Variants in RHBDL3 observed in about 807,000 individuals in gnomAD.
The protein encoded by RHBDL3 is rhomboid-related protein 3.
In RHBDL3, 28 loss-of-function variants were observed where a neutral mutation model predicts 48.2. The observed-to-expected ratio is 0.58, with a 90% CI of 0.43 to 0.80. RHBDL3 has a LOEUF of 0.80. RHBDL3 is among the 30% of genes least tolerant of loss of function. The probability of loss-of-function intolerance (pLI) is 0.00; values close to 1 mark genes in which losing one functional copy is unlikely to be tolerated. For missense variants in RHBDL3, 464 were observed against 542.7 expected (o/e 0.85, Z 1.44); for synonymous variants, 208 against 232.3 (o/e 0.90, Z 0.95).
At chr17:32,301,403 A>C (rs1366168391) in intron 6 of RHBDL3, among the ~76,000 whole-genome samples, 1 of 148,398 alleles carries the variant, frequency 6.7e-6, no homozygotes, top group Non-Finnish European at 1.5e-5. Context: ...CCCCATCTCT[A>C]CCAAAAAAAA....
In RHBDL3 at chr17:32,294,366, A is replaced by C. The variant is rs767315929; in HGVS notation, c.592A>C (p.Lys198Gln). The C allele has an allele frequency of 4.5e-5, 72 of 1,613,978 alleles. No individual in the cohort carries two copies. Among genetic ancestry groups the C allele is most frequent in the Admixed American group, 3.2e-4 (19 of 60,000 alleles). The change falls in exon 5 of 9, where the codon AAG (lysine) becomes CAG (glutamine). Residue 198 changes from lysine (K) to glutamine (Q), a missense_variant. Coordinates refer to ENST00000269051, the MANE Select transcript of RHBDL3 (RefSeq NM_138328.3). ...VLQVTHPRYL[K>Q]NSLVYHPQLR... ...GCAGGTAACTCATCCACGTTACTTG[A>C]AGAACTCCCTGGTTTACCACCCACA...
intron 2 of RHBDL3, among the ~76,000 whole-genome samples, chr17:32,277,336 A>G (rs1330153845): frequency 6.6e-6 from 1 of 152,234 alleles, no homozygotes; most frequent in Admixed American, 6.5e-5. Flanking sequence ...CACATACATC[A>G]TAGACACAAG....
At chr17:32,319,800 G>T (rs1222377062) in intron 8 of RHBDL3, among the ~76,000 whole-genome samples, 1 of 152,206 alleles carries the variant, frequency 6.6e-6, no homozygotes, top group East Asian at 1.9e-4. Flanking sequence ...TTATTTCAGT[G>T]TCAAATTTGC....
In RHBDL3 at chr17:32,283,422, C is replaced by T. The variant is rs551159039; in HGVS notation, c.136-1237C>T. On this transcript the variant is annotated intron_variant, in intron 2 of 8. Coordinates refer to ENST00000269051, the MANE Select transcript of RHBDL3 (RefSeq NM_138328.3). ...CTGCAAGCTCCGCCTCCCAGGTTCACGCCATACTCTCCTGCCTCAGCCTCC... is the reference window on the plus strand; with the variant it reads ...CTGCAAGCTCCGCCTCCCAGGTTCATGCCATACTCTCCTGCCTCAGCCTCC... Among the ~76,000 whole-genome samples, 9 of 149,538 alleles carry T rather than the reference C, an allele frequency of 6.0e-5. No homozygotes were observed. The South Asian group carries it at 1.7e-3, about 28-fold the overall frequency.
rs1473284856 is a variant in RHBDL3, at chr17:32,294,443, G to T, written c.668+1G>T. 1 of 1,613,220 alleles carries T rather than the reference G, an allele frequency of 6.2e-7. No homozygotes were observed. The highest frequency in any genetic ancestry group is 1.7e-5 in the Admixed American group (1 of 59,826). On this transcript the variant is annotated splice_donor_variant, in intron 5 of 8. Coordinates refer to ENST00000269051, the MANE Select transcript of RHBDL3 (RefSeq NM_138328.3). LOFTEE classifies it high-confidence loss of function. ...TGACATACATCTTCATGCATGCAGG[G>T]TGAGTACCTGTCTTCTTTTGCTCTG...
At chr17:32,315,259 G>C (rs573900040) in intron 7 of RHBDL3, among the ~76,000 whole-genome samples, 4 of 152,338 alleles carry the variant, frequency 2.6e-5, no homozygotes, top group African/African-American at 9.6e-5. Context: ...AAGTCCCCTG[G>C]TTGTGCCCTC....
chr17:32,266,855 G>A (rs1355126572), intron 1 of RHBDL3, among the ~76,000 whole-genome samples: 1 of 152,002 alleles, frequency 6.6e-6, no homozygotes, highest in African/African-American at 2.4e-5. Context: ...AAAGAGTGCT[G>A]GGAGCGGCTT....
At chr17:32,310,589 T>A (rs1217382213) in intron 7 of RHBDL3, among the ~76,000 whole-genome samples, 1 of 152,168 alleles carries the variant, frequency 6.6e-6, no homozygotes, top group East Asian at 1.9e-4. Context: ...GGCAGGTGCC[T>A]GTAGTCCCAG....
rs889866429 is a variant in RHBDL3 at position 32,265,865 on chromosome 17, C to A, written c.-325C>A. The stretch of plus-strand genomic sequence containing the variant: ...GGGGCCGCGAGAAGCGGGAAGGGAG[C>A]GCGGGGAGCGGCGGGGCCGGGGCCG... On this transcript the variant is annotated 5_prime_UTR_variant, in exon 1 of 9. Transcript: ENST00000269051. Among the ~76,000 whole-genome samples, 2 of 147,222 alleles carry A rather than the reference C, an allele frequency of 1.4e-5. No individual in the cohort carries two copies. Among genetic ancestry groups the A allele is most frequent in the Admixed American group, 6.7e-5 (1 of 14,852 alleles).
At chr17:32,317,433 A>C (rs946881425) in intron 8 of RHBDL3, among the ~76,000 whole-genome samples, 9 of 152,202 alleles carry the variant, frequency 5.9e-5, no homozygotes, top group African/African-American at 2.2e-4. Context: ...TCTAGGAACA[A>C]GATGTCTTCA....
At chr17:32,308,773 A>G (rs2040769274) in intron 7 of RHBDL3, among the ~76,000 whole-genome samples, 1 of 152,108 alleles carries the variant, frequency 6.6e-6, no homozygotes, top group Non-Finnish European at 1.5e-5. Flanking sequence ...ACCCATATGA[A>G]ATGGCCCTTT....
intron 6 of RHBDL3, among the ~76,000 whole-genome samples, chr17:32,301,046 A>T (rs973624033): frequency 1.3e-5 from 2 of 151,852 alleles, no homozygotes; most frequent in Non-Finnish European, 2.9e-5. Context: ...CGCCCGGCTA[A>T]TTTTTTTGTA....
At chr17:32,310,883 CAAAA>C (rs11348841) in intron 7 of RHBDL3, among the ~76,000 whole-genome samples, 1 of 55,552 alleles carries the variant, frequency 1.8e-5, no homozygotes, top group Non-Finnish European at 3.5e-5. Flanking sequence ...GGCTCCATCT[CAAAA>C]AAAAAAAAAA....
intron 5 of RHBDL3, among the ~76,000 whole-genome samples, chr17:32,296,437 G>A (rs2040452114): frequency 1.4e-5 from 2 of 143,154 alleles, no homozygotes. Flanking sequence ...CTGGGTTCAA[G>A]CGATTCTCCT....
In RHBDL3 at chr17:32,288,740, A is replaced by G. The variant is rs557142874; in HGVS notation, c.295-52A>G. On this transcript the variant is annotated intron_variant, in intron 3 of 8. Coordinates refer to ENST00000269051, the MANE Select transcript of RHBDL3 (RefSeq NM_138328.3). ...CATGCTGGCTGGGAAGTGGGTGGGG[A>G]GCTCCGCTGGGCCCCAGCTCTGACC... is the stretch of plus-strand genomic sequence containing the variant. 3.7e-4 allele frequency: 513 copies of G among 1,386,264 alleles called. 2 individuals carry two copies. In the African/African-American group the frequency reaches 6.6e-3, roughly 18 times the overall value. The allele number at this position is 1,386,264 out of a possible 1,614,324, so 85.9% of individuals were successfully genotyped here.
chr17:32,275,185 C>A (rs2039867722), intron 2 of RHBDL3, among the ~76,000 whole-genome samples: 13 of 152,292 alleles, frequency 8.5e-5, no homozygotes, highest in Admixed American at 7.8e-4. Context: ...ACTCCCCACT[C>A]CCTGCCTGCA....
chr17:32,312,785 T>G (rs2040875723), intron 7 of RHBDL3, among the ~76,000 whole-genome samples: 1 of 152,044 alleles, frequency 6.6e-6, no homozygotes, highest in Non-Finnish European at 1.5e-5. Flanking sequence ...CCCAAAGTGC[T>G]GGGATTACAG....
chr17:32,278,339 G>A (rs983057479), intron 2 of RHBDL3, among the ~76,000 whole-genome samples: 6 of 152,098 alleles, frequency 3.9e-5, no homozygotes, highest in South Asian at 2.1e-4. Flanking sequence ...TCATTCAACC[G>A]AACAAGACAG....
chr17:32,295,350 G>A (rs1005646427), intron 5 of RHBDL3, among the ~76,000 whole-genome samples: 3 of 152,258 alleles, frequency 2.0e-5, no homozygotes, highest in African/African-American at 4.8e-5. Flanking sequence ...ACCTGCGGGG[G>A]AGGGTGCTTT....
Sources: gnomAD v4.1 joint callset for allele counts (sites outside exome capture counted in the v4.1 genomes callset) on GRCh38, gnomAD v4.1.1 for gene constraint, MANE v1.5 for transcripts, NCBI Gene and HGNC (gene_info 2026-07-23, HGNC 2026-07-21) for gene names.